LRP1B: variants seen among roughly 807,000 people sequenced by gnomAD.
LRP1B encodes the protein LDL receptor related protein 1B.
LRP1B carries 217 observed loss-of-function variants against 556.6 expected under a neutral mutation model. The observed-to-expected ratio is 0.39, with a 90% confidence interval of 0.35 to 0.44. LRP1B has a LOEUF of 0.44. Among genes scored for constraint, LRP1B ranks in the 20% least tolerant of loss-of-function variants. The probability of loss-of-function intolerance (pLI) is 1.00; values close to 1 mark genes in which losing one functional copy is unlikely to be tolerated. For missense variants in LRP1B, 5,053 were observed against 5,620.8 expected, an observed-to-expected ratio of 0.90 and a Z score of 3.23; for synonymous variants, 2,047 against 1,865.8, an observed-to-expected ratio of 1.10 and a Z score of -2.50.
Position 141,378,520 on chromosome 2 carries a change from T to C in LRP1B, c.343+101876A>G, listed in dbSNP as rs188838690. Among the ~76,000 whole-genome samples the C allele has an allele frequency of 2.6e-3, 398 of 152,226 alleles. 1 individual carries two copies. Among genetic ancestry groups the C allele is most frequent in the African/African-American group, 9.4e-3 (390 of 41,548 alleles). On this transcript the variant is annotated intron_variant, in intron 3 of 90. Transcript: ENST00000389484. Reference sequence around the variant, plus strand: ...TGAGAAACCATCTCTAAACAAGTTATCTAGGCATGGTAGCTCATGCCTGTT... The same window carrying C: ...TGAGAAACCATCTCTAAACAAGTTACCTAGGCATGGTAGCTCATGCCTGTT...
intron 18 of LRP1B, 136 bp downstream of exon 18, chr2:140,982,024 G>T: frequency 3.3e-6 from 2 of 613,196 alleles, no homozygotes; most frequent in Non-Finnish European, 5.6e-6. Flanking sequence ...CCAAAAGTTT[G>T]TAACAAAAAT....
intron 3 of LRP1B, among the ~76,000 whole-genome samples, chr2:141,286,075 AAAAAAAAAAAAAAT>A (rs1685710060): frequency 6.6e-6 from 1 of 151,210 alleles, no homozygotes; most frequent in African/African-American, 2.4e-5. Flanking sequence ...TCAAAAAAAA[AAAAAAAAAAAAAAT>A]GTTCAATACC....
chr2:141,942,830 G>A (rs553722523), intron 1 of LRP1B, among the ~76,000 whole-genome samples: 1 of 152,274 alleles, frequency 6.6e-6, no homozygotes, highest in African/African-American at 2.4e-5. Context: ...TCCTACAGGG[G>A]AATGCCTTGC....
At chr2:140,430,752 C>T (rs760100637) in intron 66 of LRP1B, among the ~76,000 whole-genome samples, 133 of 152,266 alleles carry the variant, frequency 8.7e-4, no homozygotes, top group Non-Finnish European at 1.5e-3. Context: ...GCCGCTAGCC[C>T]GTCTCTTAGA....
chr2:140,898,542 C>T (rs1006620976), intron 23 of LRP1B: 1 of 327,140 alleles, frequency 3.1e-6, no homozygotes, highest in South Asian at 2.6e-5. Context: ...TGAGCAATCC[C>T]AGGACCATCG....
intron 1 of LRP1B, among the ~76,000 whole-genome samples, chr2:141,820,053 T>C (rs1241254162): frequency 6.6e-6 from 1 of 152,094 alleles, no homozygotes. Context: ...AATTAAGTTC[T>C]CCCATGGTTA....
chr2:141,135,497 C>T (rs1001226421), intron 7 of LRP1B, among the ~76,000 whole-genome samples: 3 of 151,924 alleles, frequency 2.0e-5, no homozygotes, highest in African/African-American at 7.2e-5. Flanking sequence ...AACAAATTAA[C>T]GTTTGAAGCA....
chr2:140,372,144 C>G (rs937395587), intron 69 of LRP1B, among the ~76,000 whole-genome samples: 1 of 151,886 alleles, frequency 6.6e-6, no homozygotes, highest in Non-Finnish European at 1.5e-5. Flanking sequence ...TACTTAATGA[C>G]TTTGTAGTCT....
At chr2:140,327,272 C>T (rs1680537228) in intron 79 of LRP1B, among the ~76,000 whole-genome samples, 1 of 152,098 alleles carries the variant, frequency 6.6e-6, no homozygotes, top group South Asian at 2.1e-4. Flanking sequence ...AAATAATCCA[C>T]ATTGGAAACC....
At chr2:142,094,968 C>G (rs1285344014) in intron 1 of LRP1B, among the ~76,000 whole-genome samples, 1 of 151,708 alleles carries the variant, frequency 6.6e-6, no homozygotes, top group Non-Finnish European at 1.5e-5. Context: ...TACCAAAATG[C>G]TGCTAAAGTA....
chr2:140,796,016 A>G (rs1690297862), intron 32 of LRP1B, among the ~76,000 whole-genome samples: 2 of 152,066 alleles, frequency 1.3e-5, no homozygotes, highest in African/African-American at 4.8e-5. Flanking sequence ...TAAAGAAGAG[A>G]CATAGGGGCA....
At chr2:141,961,754 G>T (rs1015506125) in intron 1 of LRP1B, among the ~76,000 whole-genome samples, 14 of 151,680 alleles carry the variant, frequency 9.2e-5, no homozygotes, top group African/African-American at 3.1e-4. Flanking sequence ...TTGAAATGGT[G>T]TAATGTATAT....
At position 140,291,318 on chromosome 2, in the gene LRP1B, A is replaced by ATATTTTT. The variant is rs369391920; in HGVS notation, c.12967+6489_12967+6490insAAAAATA. 8.8e-3 allele frequency among the ~76,000 whole-genome samples: 965 copies of ATATTTTT among 109,318 alleles called. 31 individuals are homozygous for ATATTTTT. The highest frequency in any genetic ancestry group is 0.027 in the African/African-American group (923 of 33,810). The allele number at this position is 109,318 out of a possible 152,430, so 71.7% of individuals were successfully genotyped here. ...TTATTTTATATATATATATATATAT[A>ATATTTTT]TTTTTATTATACTTTAAGTTCTAGG... is the stretch of plus-strand genomic sequence containing the variant. On this transcript the variant is annotated intron_variant, in intron 84 of 90. Coordinates refer to ENST00000389484, the MANE Select transcript of LRP1B (RefSeq NM_018557.3).
In LRP1B at chr2:141,932,127, G is replaced by A. The variant is rs915398459; in HGVS notation, c.83-121726C>T. Among the ~76,000 whole-genome samples the A allele has an allele frequency of 3.9e-5, 6 of 151,970 alleles. 1 individual carries two copies. Among genetic ancestry groups the A allele is most frequent in the Admixed American group, 1.3e-4 (2 of 15,234 alleles). On this transcript the variant is annotated intron_variant, in intron 1 of 90. Transcript: ENST00000389484. ...TTTGAATGAGCAAAAGATAAAGTGAGCAAAAAGACAACCTCAATTTTCAGT... is the reference window on the plus strand; with the variant it reads ...TTTGAATGAGCAAAAGATAAAGTGAACAAAAAGACAACCTCAATTTTCAGT...
intron 7 of LRP1B, among the ~76,000 whole-genome samples, chr2:141,173,759 T>A (rs1464816701): frequency 2.0e-5 from 3 of 151,900 alleles, no homozygotes; most frequent in Non-Finnish European, 2.9e-5. Flanking sequence ...AGAAAAAAAA[T>A]GTGGCTCTCT....
intron 18 of LRP1B, among the ~76,000 whole-genome samples, chr2:140,975,972 G>C (rs1389757952): frequency 2.0e-5 from 3 of 151,822 alleles, no homozygotes; most frequent in African/African-American, 7.3e-5. Flanking sequence ...GTTGTCCCAG[G>C]CTGGAATGCA....
intron 77 of LRP1B, among the ~76,000 whole-genome samples, chr2:140,340,178 A>C (rs946502996): frequency 8.6e-5 from 13 of 151,338 alleles, no homozygotes; most frequent in Non-Finnish European, 1.9e-4. Flanking sequence ...CTTTATTCAC[A>C]CTATCAGAAA....
chr2:141,315,459 C>T (rs1686992895), intron 3 of LRP1B, among the ~76,000 whole-genome samples: 1 of 151,542 alleles, frequency 6.6e-6, no homozygotes, highest in Non-Finnish European at 1.5e-5. Flanking sequence ...CAGGGTTTCA[C>T]CGTGTTAGCC....
chr2:140,808,724 A>G (rs1006092412), intron 32 of LRP1B, among the ~76,000 whole-genome samples: 6 of 152,336 alleles, frequency 3.9e-5, no homozygotes, highest in African/African-American at 1.4e-4. Context: ...TGAAAGAATG[A>G]ATGGCAATAG....
Sources: gnomAD v4.1 joint callset for allele counts (sites outside exome capture counted in the v4.1 genomes callset) on GRCh38, gnomAD v4.1.1 for gene constraint, MANE v1.5 for transcripts, NCBI Gene and HGNC (gene_info 2026-07-23, HGNC 2026-07-21) for gene names.